Variants in AURKA observed in about 807,000 individuals in gnomAD.
AURKA encodes aurora 2.
Under a neutral mutation model 40.9 loss-of-function variants are expected in AURKA, and 12 were observed. The ratio of observed to expected loss-of-function variants is 0.29; its 90% CI spans 0.19 to 0.48. The LOEUF is 0.48. Among genes scored for constraint, AURKA ranks in the 20% least tolerant of loss-of-function variants. The probability of loss-of-function intolerance (pLI) is 0.99; values close to 1 mark genes in which losing one functional copy is unlikely to be tolerated. For missense variants in AURKA, 322 were observed against 462.1 expected (o/e 0.70, Z 2.78); for synonymous variants, 170 against 164.3 (o/e 1.03, Z -0.26).
At chr20:56,370,428 G>A in intron 8 of AURKA, 57 bp downstream of exon 8, 2 of 1,613,836 alleles carry the variant, frequency 1.2e-6, no homozygotes, top group South Asian at 1.1e-5. Flanking sequence ...CTGCAGTTCA[G>A]GCTGATAAGG....
Position 56,373,589 on chromosome 20 carries a change from G to C in AURKA, c.706-33C>G, listed in dbSNP as rs900306406. On this transcript the variant is annotated intron_variant, in intron 6 of 8. Coordinates refer to ENST00000395915, the MANE Select transcript of AURKA (RefSeq NM_198437.3). This position sits in a 1 kb window ranked among gnomAD's most constrained non-coding sequence, Gnocchi z 5.0. ...AACAATATTGAAAGCCTATGTTTTA[G>C]ATTTTATATAACACAAGTTAATATT... The C allele has an allele frequency of 1.9e-6, 3 of 1,603,392 alleles. No individual in the cohort carries two copies. Among genetic ancestry groups the C allele is most frequent in the Admixed American group, 1.7e-5 (1 of 59,966 alleles).
chr20:56,376,373 A>T (rs1984921673), intron 6 of AURKA, among the ~76,000 whole-genome samples: 1 of 152,236 alleles, frequency 6.6e-6, no homozygotes, highest in Non-Finnish European at 1.5e-5. Context: ...GCTAATATTT[A>T]AAAAAGCAAA....
intron 3 of AURKA, among the ~76,000 whole-genome samples, 187 bp from the exon 4 acceptor site, chr20:56,384,511 T>C (rs948622040): frequency 1.8e-4 from 27 of 152,224 alleles, no homozygotes; most frequent in Admixed American, 1.1e-3. Flanking sequence ...ACTTCCATCA[T>C]GTGAAGCCTT....
chr20:56,379,184 C>T (rs1985362185), intron 6 of AURKA, among the ~76,000 whole-genome samples: 2 of 152,086 alleles, frequency 1.3e-5, no homozygotes, highest in African/African-American at 4.8e-5. Context: ...AAGACAAAGG[C>T]CAAAGGAAGT....
At position 56,373,281 on chromosome 20, in the gene AURKA, T is replaced by C; in HGVS notation, c.854+127A>G. On this transcript the variant is annotated intron_variant, in intron 7 of 8. Transcript: ENST00000395915. The surrounding 1 kb of genome is among the most constrained non-coding windows in gnomAD (Gnocchi z 5.0). ...TTATTAAGCCTAAATTACTCCAAAGTACTTCTGGGTTAGCCACCTACCCCT... is the reference window on the plus strand; with the variant it reads ...TTATTAAGCCTAAATTACTCCAAAGCACTTCTGGGTTAGCCACCTACCCCT... 1 of 1,253,808 alleles carries C rather than the reference T, an allele frequency of 8.0e-7. No individual in the cohort carries two copies. The highest frequency in any genetic ancestry group is 1.2e-6 in the Non-Finnish European group (1 of 862,160). The allele number at this position is 1,253,808 out of a possible 1,614,324, so 77.7% of individuals were successfully genotyped here.
At chr20:56,372,045 T>C (rs1984309175) in intron 7 of AURKA, among the ~76,000 whole-genome samples, 2 of 152,148 alleles carry the variant, frequency 1.3e-5, no homozygotes, top group Non-Finnish European at 2.9e-5. Context: ...TCGGTTTAGG[T>C]TTTTTTAACG....
At position 56,369,759 on chromosome 20, in the gene AURKA, C is replaced by T. The variant is rs1309424647; in HGVS notation, c.*399G>A. 29 of 401,090 alleles carry T rather than the reference C, an allele frequency of 7.2e-5. No individual in the cohort carries two copies. Among genetic ancestry groups the T allele is most frequent in the Non-Finnish European group, 1.2e-4 (25 of 214,630 alleles). 24.8% of individuals were successfully genotyped at this position (401,090 alleles called of 1,614,324 possible). On this transcript the variant is annotated 3_prime_UTR_variant, in exon 9 of 9. Transcript: ENST00000395915. ...TCGCCAACCCAATAAGTTACACACTCACTCAGGTACTAGGAAGGTTATTGC... is the reference window on the plus strand; with the variant it reads ...TCGCCAACCCAATAAGTTACACACTTACTCAGGTACTAGGAAGGTTATTGC...
chr20:56,370,435 A>G, intron 8 of AURKA, 50 bp downstream of exon 8: 1 of 1,614,056 alleles, frequency 6.2e-7, no homozygotes, highest in Non-Finnish European at 8.5e-7. Flanking sequence ...TCAGGCTGAT[A>G]AGGAAAGAAT....
chr20:56,384,395 G>T, intron 3 of AURKA, 71 bp from the exon 4 acceptor site: 1 of 1,135,986 alleles, frequency 8.8e-7, no homozygotes, highest in Non-Finnish European at 1.3e-6. Context: ...GAATAGAGGT[G>T]AATCAAAGAA....
At position 56,388,081 on chromosome 20, in the gene AURKA, G is replaced by A. The variant is rs192188249; in HGVS notation, c.42+75C>T. 1.0e-3 allele frequency: 91 copies of A among 88,358 alleles called. No homozygotes were observed. In the East Asian group the frequency reaches 0.018, roughly 18 times the overall value. The allele number at this position is 88,358 out of a possible 1,614,324, so 5.5% of individuals were successfully genotyped here. ...CTAAATTTAAATCCAAAGTAAAGGCGGAAAGAATTCCCGACAAGACCAACC... is the reference window on the plus strand; with the variant it reads ...CTAAATTTAAATCCAAAGTAAAGGCAGAAAGAATTCCCGACAAGACCAACC... On this transcript the variant is annotated intron_variant, in intron 2 of 8. Coordinates refer to ENST00000395915, the MANE Select transcript of AURKA (RefSeq NM_198437.3).
At position 56,386,520 on chromosome 20, in the gene AURKA, A is replaced by G. The variant is rs1475776989; in HGVS notation, c.56T>C (p.Val19Ala). The stretch of plus-strand genomic sequence containing the variant: ...CACGAGAACACGTTTTGGACCTCCA[A>G]CTGGAGCTGTAGCCTAGAATGGAAG... The part of the protein sequence containing the change: ...ISGPVKATAP[V>A]GGPKRVLVTQ... Residue 19 changes from valine to alanine, a missense_variant, in exon 3 of 9, where the codon GTT becomes GCT. Val to Ala is a moderately conservative substitution (Grantham distance 64). Coordinates refer to ENST00000395915, the MANE Select transcript of AURKA (RefSeq NM_198437.3). 4.3e-6 allele frequency: 7 copies of G among 1,614,110 alleles called. No homozygotes were observed. In the South Asian group the frequency reaches 5.5e-5, roughly 13 times the overall value.
chr20:56,384,533 T>A (rs979990412), intron 3 of AURKA, among the ~76,000 whole-genome samples: 19 of 152,120 alleles, frequency 1.2e-4, no homozygotes, highest in African/African-American at 4.6e-4. Flanking sequence ...ATAGAATTTC[T>A]AAAGATGAGC....
Position 56,392,079 on chromosome 20 carries a change from C to T in AURKA, c.-6+89G>A, listed in dbSNP as rs550960049. Reference sequence around the variant, plus strand: ...AGGAACCGACAGGGGACTTGACGCTCCGCCACTCCGACCAGCCGCCCCTTG... The same window carrying T: ...AGGAACCGACAGGGGACTTGACGCTTCGCCACTCCGACCAGCCGCCCCTTG... On this transcript the variant is annotated intron_variant, in intron 1 of 8. Transcript: ENST00000395915. 6.7e-3 allele frequency: 1,018 copies of T among 152,384 alleles called. 16 individuals carry two copies. The highest frequency in any genetic ancestry group is 0.024 in the African/African-American group (984 of 41,560). 9.4% of individuals were successfully genotyped at this position (152,384 alleles called of 1,614,324 possible).
intron 7 of AURKA, among the ~76,000 whole-genome samples, chr20:56,371,663 A>G (rs1328718444): frequency 2.0e-5 from 3 of 151,952 alleles, no homozygotes; most frequent in Non-Finnish European, 4.4e-5. Context: ...AGACAGTCCA[A>G]CCACAGAGAC....
At position 56,373,664 on chromosome 20, in the gene AURKA, G is replaced by A; in HGVS notation, c.706-108C>T. The A allele has an allele frequency of 2.2e-6, 3 of 1,377,096 alleles. No individual in the cohort carries two copies. The highest frequency in any genetic ancestry group is 3.0e-6 in the Non-Finnish European group (3 of 991,784). The allele number at this position is 1,377,096 out of a possible 1,614,324, so 85.3% of individuals were successfully genotyped here. ...AACATAGATTTAACATGGTTTGCAG[G>A]TTTTGGCCAGGCACAGTGGCTCACA... On this transcript the variant is annotated intron_variant, in intron 6 of 8. Transcript: ENST00000395915. This position sits in a 1 kb window ranked among gnomAD's most constrained non-coding sequence, Gnocchi z 5.0.
intron 6 of AURKA, among the ~76,000 whole-genome samples, chr20:56,379,034 A>G (rs764080323): frequency 2.6e-5 from 4 of 152,240 alleles, no homozygotes; most frequent in Non-Finnish European, 5.9e-5. Context: ...TCAGGATATG[A>G]AAATGTAAAT....
At chr20:56,388,230 T>C (rs1255117106) in intron 1 of AURKA, 28 bp from the exon 2 acceptor site, 1 of 1,061,844 alleles carries the variant, frequency 9.4e-7, no homozygotes. Context: ...AACCTTTAAT[T>C]TGAACAAAGC....
intron 6 of AURKA, among the ~76,000 whole-genome samples, chr20:56,376,548 T>A (rs1984947830): frequency 1.3e-5 from 2 of 151,886 alleles, no homozygotes; most frequent in East Asian, 1.9e-4. Context: ...GCCATTTACA[T>A]CAATGCCAAA....
chr20:56,391,627 C>A (rs551271355), intron 1 of AURKA, among the ~76,000 whole-genome samples: 2 of 152,158 alleles, frequency 1.3e-5, no homozygotes, highest in East Asian at 3.9e-4. Context: ...AAGTACGGAC[C>A]GGGAAGGCCT....
Sources: gnomAD v4.1 joint callset for allele counts (sites outside exome capture counted in the v4.1 genomes callset) on GRCh38, gnomAD v4.1.1 for gene constraint, Gnocchi (gnomAD v3.1) non-coding constraint, MANE v1.5 for transcripts, NCBI Gene and HGNC (gene_info 2026-07-23, HGNC 2026-07-21) for gene names.